The following ZNF704 variants were observed in gnomAD, a reference collection of about 807,000 sequenced individuals.
The protein encoded by ZNF704 is zinc finger protein 704.
A neutral mutation model predicts 44.7 loss-of-function variants in ZNF704; 10 were observed. That is an observed-to-expected ratio of 0.22 (90% CI 0.14 to 0.38). ZNF704 has a LOEUF of 0.38. Among genes scored for constraint, ZNF704 ranks in the 10% least tolerant of loss-of-function variants. ZNF704 has a pLI of 1.00. For missense variants in ZNF704, 390 were observed against 545.5 expected (o/e 0.71, Z 2.84); for synonymous variants, 211 against 207.6 (o/e 1.02, Z -0.14).
chr8:80,827,781 A>C (rs553232001), intron 1 of ZNF704, among the ~76,000 whole-genome samples: 1 of 152,334 alleles, frequency 6.6e-6, no homozygotes, highest in East Asian at 1.9e-4. Flanking sequence ...ATCTACAACC[A>C]TCTGATCTTT....
chr8:80,649,606 G>C lies in ZNF704; in HGVS notation c.1033-6477C>G, dbSNP rs190825680. Among the ~76,000 whole-genome samples the C allele has an allele frequency of 2.0e-5, 3 of 152,330 alleles. No homozygotes were observed. The East Asian group carries it at 5.8e-4, about 29-fold the overall frequency. On this transcript the variant is annotated intron_variant, in intron 7 of 8. Transcript: ENST00000327835. ...TGAGATCAAACTGCAAGGTGGCAGT[G>C]AGGCTGGGGAGGGGCACCCGCCATT... is the stretch of plus-strand genomic sequence containing the variant.
chr8:80,863,566 T>C (rs1809104883), intron 1 of ZNF704, among the ~76,000 whole-genome samples: 1 of 152,196 alleles, frequency 6.6e-6, no homozygotes, highest in Non-Finnish European at 1.5e-5. Context: ...GAGGCTTATT[T>C]TACACATCTA....
At chr8:80,689,842 GA>G (rs1818602776) in intron 3 of ZNF704, among the ~76,000 whole-genome samples, 2 of 151,940 alleles carry the variant, frequency 1.3e-5, no homozygotes, top group South Asian at 4.1e-4. Context: ...ATTTTTCTCA[GA>G]AAAAAAGTCA....
chr8:80,875,656 G>T (rs1194959031), upstream of ZNF704, among the ~76,000 whole-genome samples: 1 of 152,166 alleles, frequency 6.6e-6, no homozygotes, highest in Admixed American at 6.5e-5. Context: ...TCCCTGTAGA[G>T]GAGGGCTGGG....
intron 2 of ZNF704, among the ~76,000 whole-genome samples, chr8:80,740,681 T>C (rs2131692587): frequency 6.6e-6 from 1 of 152,336 alleles, no homozygotes; most frequent in South Asian, 2.1e-4. Flanking sequence ...GTCATGGACC[T>C]TAAGGATGCC....
At chr8:80,847,089 C>T (rs1244112119) in intron 1 of ZNF704, among the ~76,000 whole-genome samples, 1 of 152,154 alleles carries the variant, frequency 6.6e-6, no homozygotes, top group Admixed American at 6.5e-5. Flanking sequence ...AGGAGAATCA[C>T]TTGAACCTGG....
intron 1 of ZNF704, among the ~76,000 whole-genome samples, chr8:80,842,377 C>G (rs1808694911): frequency 6.6e-6 from 1 of 152,012 alleles, no homozygotes; most frequent in Admixed American, 6.5e-5. Context: ...CTGGTAATAC[C>G]TTTACTGAGA....
chr8:80,843,457 G>C (rs1393186240), intron 1 of ZNF704, among the ~76,000 whole-genome samples: 1 of 152,178 alleles, frequency 6.6e-6, no homozygotes, highest in Admixed American at 6.5e-5. Context: ...AGCATCTGAA[G>C]GATATTCCAC....
At chr8:80,683,163 C>G (rs528851833) in intron 4 of ZNF704, among the ~76,000 whole-genome samples, 26 of 152,332 alleles carry the variant, frequency 1.7e-4, no homozygotes, top group African/African-American at 6.3e-4. Flanking sequence ...GTCAAGAGTC[C>G]TGGCTCACAC....
chr8:80,851,984 A>T (rs1278396786), intron 1 of ZNF704, among the ~76,000 whole-genome samples: 4 of 152,186 alleles, frequency 2.6e-5, no homozygotes, highest in Non-Finnish European at 5.9e-5. Flanking sequence ...AGGAAAAAAA[A>T]GTCTGTGTTC....
intron 2 of ZNF704, among the ~76,000 whole-genome samples, chr8:80,746,030 T>A (rs955074774): frequency 1.3e-5 from 2 of 152,224 alleles, no homozygotes; most frequent in South Asian, 4.1e-4. Flanking sequence ...GTGAAGATTG[T>A]AAAATGGAAC....
At chr8:80,749,495 G>GT (rs1457406788) in intron 2 of ZNF704, 1 of 153,100 alleles carries the variant, frequency 6.5e-6, no homozygotes, top group African/African-American at 2.4e-5. Flanking sequence ...TACTACGGAG[G>GT]TTTAGAGTGC....
chr8:80,645,178 C>T, intron 7 of ZNF704: 1 of 1,587,062 alleles, frequency 6.3e-7, no homozygotes, highest in Non-Finnish European at 8.6e-7. Context: ...GACATGATCG[C>T]TCGGTTTGCT....
At chr8:80,858,625 C>T (rs1048999336) in intron 1 of ZNF704, among the ~76,000 whole-genome samples, 3 of 151,620 alleles carry the variant, frequency 2.0e-5, no homozygotes, top group Non-Finnish European at 2.9e-5. Flanking sequence ...CCCAGCTGTT[C>T]GGGAGGCTGA....
chr8:80,813,489 G>C (rs1432077704), intron 2 of ZNF704, among the ~76,000 whole-genome samples: 1 of 152,062 alleles, frequency 6.6e-6, no homozygotes, highest in Non-Finnish European at 1.5e-5. Flanking sequence ...AAGAAGAAGA[G>C]TACTAAATTC....
At chr8:80,699,203 T>C (rs992826056) in intron 2 of ZNF704, among the ~76,000 whole-genome samples, 25 of 152,166 alleles carry the variant, frequency 1.6e-4, no homozygotes, top group African/African-American at 5.1e-4. Flanking sequence ...ATCCCCAATC[T>C]TGGAATTCTG....
At chr8:80,778,985 C>T (rs574936172) in intron 2 of ZNF704, among the ~76,000 whole-genome samples, 2 of 152,152 alleles carry the variant, frequency 1.3e-5, no homozygotes, top group South Asian at 4.2e-4. Context: ...AACAAATCTG[C>T]ACATGTACCC....
intron 1 of ZNF704, among the ~76,000 whole-genome samples, chr8:80,834,113 G>T (rs2577873): frequency 2.0e-5 from 3 of 152,220 alleles, no homozygotes; most frequent in African/African-American, 7.2e-5. Context: ...AGGATCACTA[G>T]AGCCCAGGAA....
At chr8:80,828,923 C>G (rs746928098) in intron 1 of ZNF704, among the ~76,000 whole-genome samples, 11 of 152,180 alleles carry the variant, frequency 7.2e-5, no homozygotes, top group Non-Finnish European at 1.6e-4. Context: ...GAGCACTACA[C>G]AGAGCTCCAT....
Sources: gnomAD v4.1 joint callset for allele counts (sites outside exome capture counted in the v4.1 genomes callset) on GRCh38, gnomAD v4.1.1 for gene constraint, MANE v1.5 for transcripts, NCBI Gene and HGNC (gene_info 2026-07-23, HGNC 2026-07-21) for gene names.